Variants in ZNF804B observed in about 807,000 individuals in gnomAD.
ZNF804B encodes zinc finger 804B.
ZNF804B carries 80 observed loss-of-function variants against 101.4 expected under a neutral mutation model. The observed-to-expected ratio is 0.79, with a 90% confidence interval of 0.66 to 0.95. The LOEUF (loss-of-function observed/expected upper bound fraction) is 0.95, where lower values mean the gene tolerates loss of function less well. Ranked by LOEUF, ZNF804B falls within the 40% of genes least tolerant of loss-of-function variation. The pLI is 0.00. For missense variants in ZNF804B, 1,673 were observed against 1,561.9 expected (o/e 1.07, Z -1.20); for synonymous variants, 622 against 558.8 (o/e 1.11, Z -1.59).
rs556856001 is a variant in ZNF804B, at chr7:88,933,850, C to T, written c.108+173766C>T. Among the ~76,000 whole-genome samples the T allele has an allele frequency of 2.0e-5, 3 of 150,378 alleles. No homozygotes were observed. The South Asian group carries it at 6.4e-4, about 32-fold the overall frequency. On this transcript the variant is annotated intron_variant, in intron 1 of 3. Transcript: ENST00000333190. ...TGACCATACTGCCAAAATCAACCTA[C>T]AAATAAAATGCAATTCCCATCAAAA...
chr7:89,106,122 G>T (rs1790132686), intron 1 of ZNF804B, among the ~76,000 whole-genome samples: 1 of 152,126 alleles, frequency 6.6e-6, no homozygotes, highest in African/African-American at 2.4e-5. Context: ...GGCAGAGATG[G>T]TGTCAGTACT....
chr7:89,071,101 A>T (rs1276437973), intron 1 of ZNF804B, among the ~76,000 whole-genome samples: 1 of 152,148 alleles, frequency 6.6e-6, no homozygotes, highest in African/African-American at 2.4e-5. Context: ...TGTACATAAT[A>T]TTATGTACAT....
At chr7:88,957,584 A>C (rs1164922189) in intron 1 of ZNF804B, among the ~76,000 whole-genome samples, 2 of 151,376 alleles carry the variant, frequency 1.3e-5, no homozygotes. Flanking sequence ...GTATTCTTGC[A>C]TTAATTATGA....
At chr7:89,295,488 C>A (rs1263145184) in intron 2 of ZNF804B, among the ~76,000 whole-genome samples, 1 of 152,114 alleles carries the variant, frequency 6.6e-6, no homozygotes, top group Non-Finnish European at 1.5e-5. Context: ...TTCTCCAAAT[C>A]TCTTTTTGTT....
Position 88,973,856 on chromosome 7 carries a change from C to T in ZNF804B, c.108+213772C>T, listed in dbSNP as rs903017138. ...TAAATGATCTTGTTGAACAAGAATTCGTAAGATGCCATCATCCCATTGACA... is the reference window on the plus strand; with the variant it reads ...TAAATGATCTTGTTGAACAAGAATTTGTAAGATGCCATCATCCCATTGACA... On this transcript the variant is annotated intron_variant, in intron 1 of 3. Coordinates refer to ENST00000333190, the MANE Select transcript of ZNF804B (RefSeq NM_181646.5). Among the ~76,000 whole-genome samples the T allele has an allele frequency of 5.3e-5, 8 of 151,296 alleles. No homozygotes were observed. The East Asian group carries it at 9.8e-4, about 19-fold the overall frequency.
At chr7:89,208,727 T>A (rs796890199) in intron 1 of ZNF804B, among the ~76,000 whole-genome samples, 25 of 152,172 alleles carry the variant, frequency 1.6e-4, no homozygotes, top group African/African-American at 6.0e-4. Context: ...ATAATCCCTG[T>A]TTAGACTGGG....
intron 2 of ZNF804B, among the ~76,000 whole-genome samples, chr7:89,310,612 T>C (rs1790637986): frequency 6.6e-6 from 1 of 152,194 alleles, no homozygotes; most frequent in South Asian, 2.1e-4. Flanking sequence ...TCAAACTAAA[T>C]ACTTCTGTCT....
intron 1 of ZNF804B, among the ~76,000 whole-genome samples, chr7:88,924,145 G>A (rs777971221): frequency 2.6e-5 from 4 of 151,954 alleles, no homozygotes; most frequent in Admixed American, 6.6e-5. Context: ...TTCATAAATG[G>A]CTGTAGTAAT....
intron 1 of ZNF804B, among the ~76,000 whole-genome samples, chr7:88,762,729 G>C (rs1363757284): frequency 6.7e-6 from 1 of 149,202 alleles, no homozygotes; most frequent in Non-Finnish European, 1.5e-5. Flanking sequence ...TTAGTGCCAG[G>C]AATGACCTAA....
intron 2 of ZNF804B, among the ~76,000 whole-genome samples, chr7:89,265,640 C>G (rs1379851829): frequency 1.3e-5 from 2 of 152,210 alleles, no homozygotes; most frequent in Non-Finnish European, 2.9e-5. Flanking sequence ...TTAAACACTT[C>G]CCTTACAGGG....
At chr7:89,270,256 A>C (rs1206999351) in intron 2 of ZNF804B, among the ~76,000 whole-genome samples, 2 of 152,208 alleles carry the variant, frequency 1.3e-5, no homozygotes, top group African/African-American at 2.4e-5. Flanking sequence ...GGTGTAAGGA[A>C]GGGATCCACT....
At chr7:89,007,499 A>AT (rs1472523782) in intron 1 of ZNF804B, among the ~76,000 whole-genome samples, 1 of 34,910 alleles carries the variant, frequency 2.9e-5, no homozygotes, top group Non-Finnish European at 4.7e-5. Context: ...AACCTAATAT[A>AT]ATACATATAA....
intron 1 of ZNF804B, among the ~76,000 whole-genome samples, chr7:89,088,976 C>T (rs1289728065): frequency 6.6e-6 from 1 of 151,906 alleles, no homozygotes; most frequent in East Asian, 1.9e-4. Flanking sequence ...CCTCCCTTGC[C>T]ACATTCCCCT....
At chr7:88,802,490 CT>C (rs1030229767) in intron 1 of ZNF804B, among the ~76,000 whole-genome samples, 2 of 151,884 alleles carry the variant, frequency 1.3e-5, no homozygotes, top group Admixed American at 1.3e-4. Flanking sequence ...AAGTTTCCCC[CT>C]ATCTCAGGGA....
intron 2 of ZNF804B, among the ~76,000 whole-genome samples, chr7:89,314,331 T>A (rs937122841): frequency 6.6e-6 from 1 of 152,144 alleles, no homozygotes; most frequent in Admixed American, 6.5e-5. Flanking sequence ...AAGGTAGAAG[T>A]ATGCCCAACA....
intron 1 of ZNF804B, among the ~76,000 whole-genome samples, chr7:89,033,467 A>G (rs1788872449): frequency 6.6e-6 from 1 of 152,144 alleles, no homozygotes; most frequent in African/African-American, 2.4e-5. Flanking sequence ...AATATTTTGG[A>G]TAAATACTGA....
chr7:88,761,718 G>A (rs1220797764), intron 1 of ZNF804B, among the ~76,000 whole-genome samples: 3 of 152,164 alleles, frequency 2.0e-5, no homozygotes, highest in African/African-American at 7.2e-5. Flanking sequence ...ATTGGGTAGG[G>A]CATTGTACTG....
At chr7:88,776,784 C>CT (rs1790148740) in intron 1 of ZNF804B, among the ~76,000 whole-genome samples, 1 of 92,078 alleles carries the variant, frequency 1.1e-5, no homozygotes, top group Non-Finnish European at 2.1e-5. Flanking sequence ...CCATAAACCC[C>CT]CCCCCCCACC....
At position 88,898,073 on chromosome 7, in the gene ZNF804B, C is replaced by CTTTTTT. The variant is rs869050718; in HGVS notation, c.108+138015_108+138020dup. Among the ~76,000 whole-genome samples, 14 of 56,594 alleles carry CTTTTTT rather than the reference C, an allele frequency of 2.5e-4. 1 individual carries two copies. Among genetic ancestry groups the CTTTTTT allele is most frequent in the Non-Finnish European group, 3.6e-4 (12 of 33,354 alleles). The allele number at this position is 56,594 out of a possible 152,430, so 37.1% of individuals were successfully genotyped here. On this transcript the variant is annotated intron_variant, in intron 1 of 3. Transcript: ENST00000333190. ...CCTCCTTCCTATATTACTTCTCCATCTTTTTTTTTTTTTTTTTTTTTTTTT... is the reference window on the plus strand; with the variant it reads ...CCTCCTTCCTATATTACTTCTCCATCTTTTTTTTTTTTTTTTTTTTTTTTTTTTTTT...
Sources: allele counts gnomAD v4.1 joint callset (sites outside exome capture counted in the v4.1 genomes callset), GRCh38; gene constraint gnomAD v4.1.1; transcripts MANE v1.5; gene names NCBI Gene and HGNC (gene_info 2026-07-23, HGNC 2026-07-21).